LTBP2: variants seen among roughly 807,000 people sequenced by gnomAD.
The protein encoded by LTBP2 is latent transforming growth factor beta binding protein 2.
A neutral mutation model predicts 210.6 loss-of-function variants in LTBP2; 103 were observed. The observed-to-expected ratio is 0.49, with a 90% CI of 0.42 to 0.58. LTBP2 has a LOEUF of 0.58. Among genes scored for constraint, LTBP2 ranks in the 20% least tolerant of loss-of-function variants. The pLI, the probability that LTBP2 is intolerant of heterozygous loss-of-function variation, is 0.00. For missense variants in LTBP2, 2,313 were observed against 2,494.5 expected (o/e 0.93, Z 1.55); for synonymous variants, 1,007 against 1,015.0 (o/e 0.99, Z 0.15).
intron 1 of LTBP2, among the ~76,000 whole-genome samples, chr14:74,608,746 AAT>A (rs1488087823): frequency 6.7e-4 from 77 of 114,286 alleles, no homozygotes; most frequent in African/African-American, 2.6e-3. Context: ...AGAAAGAAAG[AAT>A]AAAGAAAAGA....
rs2087393309 is a variant in LTBP2 at position 74,534,493 on chromosome 14, G to C, written c.1864+1433C>G. ...ACTCATTTTTAAAGTCTTGGCCTTA[G>C]GTATCACCTTTTCCAGGGAGCCTTC... On this transcript the variant is annotated intron_variant, in intron 9 of 35. Coordinates refer to ENST00000261978, the MANE Select transcript of LTBP2 (RefSeq NM_000428.3). Among the ~76,000 whole-genome samples, 3 of 152,168 alleles carry C rather than the reference G, an allele frequency of 2.0e-5. No individual in the cohort carries two copies. The South Asian group carries it at 6.2e-4, about 32-fold the overall frequency.
In LTBP2 at chr14:74,552,261, C is replaced by T. The variant is rs996880331; in HGVS notation, c.1325G>A (p.Gly442Glu). The change falls in exon 6 of 36, where the codon GGG (glycine) becomes GAG (glutamate). Residue 442 changes from glycine (G) to glutamate (E), a missense_variant. By Grantham distance (98) the Gly-to-Glu change is moderately conservative. Around this residue, in one of 3 missense-constraint regions of LTBP2, gnomAD observed 1,867 missense variants for 1,976.9 expected, o/e 0.94. Transcript: ENST00000261978. ...TTCCAGCAAGGCCCTGGGGCGGGAC[C>T]CCCTCCCTGGAGGCTCCCTGTCCGG... ...PQPDREPPGR[G>E]SRPRALLEAP... The T allele has an allele frequency of 6.2e-7, 1 of 1,613,194 alleles. No individual in the cohort carries two copies. The highest frequency in any genetic ancestry group is 2.2e-5 in the East Asian group (1 of 44,872).
chr14:74,568,336 G>A (rs2087930987), intron 3 of LTBP2, among the ~76,000 whole-genome samples: 1 of 152,154 alleles, frequency 6.6e-6, no homozygotes, highest in South Asian at 2.1e-4. Flanking sequence ...GAAGCCAGGA[G>A]TCTTATGGCC....
At chr14:74,600,564 A>G (rs957902085) in intron 2 of LTBP2, among the ~76,000 whole-genome samples, 1 of 152,108 alleles carries the variant, frequency 6.6e-6, no homozygotes, top group Non-Finnish European at 1.5e-5. Flanking sequence ...ATCACTAGCA[A>G]GTTAGGAAAC....
intron 8 of LTBP2, among the ~76,000 whole-genome samples, chr14:74,536,565 A>C (rs945467477): frequency 2.0e-5 from 3 of 152,120 alleles, no homozygotes; most frequent in African/African-American, 7.2e-5. Context: ...GTTGTGTACC[A>C]GCCAGGCGCA....
chr14:74,528,750 A>G (rs780603948), intron 11 of LTBP2, 52 bp from the exon 12 acceptor site: 7 of 1,594,224 alleles, frequency 4.4e-6, no homozygotes, highest in Non-Finnish European at 6.0e-6. Context: ...TCCTGCAGGA[A>G]ACCAGGGCCT....
chr14:74,607,373 A>G (rs1276739309), intron 1 of LTBP2, among the ~76,000 whole-genome samples: 1 of 152,240 alleles, frequency 6.6e-6, no homozygotes. Flanking sequence ...TTCTCTTTAT[A>G]ACAAGTGGTA....
chr14:74,568,875 C>T (rs1005092268), intron 3 of LTBP2, among the ~76,000 whole-genome samples: 1 of 152,140 alleles, frequency 6.6e-6, no homozygotes, highest in African/African-American at 2.4e-5. Flanking sequence ...TCCTATGAAC[C>T]TCATGCTTGA....
Position 74,540,866 on chromosome 14 carries a change from TTTA to T in LTBP2, c.1790-4869_1790-4867del, listed in dbSNP as rs1566630098. 2.6e-5 allele frequency among the ~76,000 whole-genome samples: 2 copies of T among 78,084 alleles called. 1 individual carries two copies. The highest frequency in any genetic ancestry group is 5.2e-5 in the Non-Finnish European group (2 of 38,324). The allele number at this position is 78,084 out of a possible 152,430, so 51.2% of individuals were successfully genotyped here. A position where few individuals can be genotyped will look rare whatever the true frequency, so the allele number is the denominator to read the frequency against. On this transcript the variant is annotated intron_variant, in intron 8 of 35. Coordinates refer to ENST00000261978, the MANE Select transcript of LTBP2 (RefSeq NM_000428.3). Reference sequence around the variant, plus strand: ...ATATATATTATATATATTATATATATTTATATATATAATATATATATTATATAT... The same window carrying T: ...ATATATATTATATATATTATATATATTATATATAATATATATATTATATAT...
intron 17 of LTBP2, among the ~76,000 whole-genome samples, chr14:74,518,119 C>G (rs189539579): frequency 6.6e-6 from 1 of 152,178 alleles, no homozygotes; most frequent in Non-Finnish European, 1.5e-5. Flanking sequence ...GTCCCCATCC[C>G]CTGTCCCCAC....
chr14:74,508,647 G>A lies in LTBP2; in HGVS notation c.3609C>T (p.Cys1203=), dbSNP rs778364270. 154 of 1,612,468 alleles carry A rather than the reference G, an allele frequency of 9.6e-5. No homozygotes were observed. The highest frequency in any genetic ancestry group is 1.2e-4 in the Non-Finnish European group (146 of 1,179,980). Residue 1203 remains cysteine, a synonymous_variant, in exon 24 of 36, where the codon TGC becomes TGT. Transcript: ENST00000261978. ...CCTCTGCGCTGACGAAGCCAGGCGC[G>A]CACAGACAGAAGAAAGACCCGTGGC... is the stretch of plus-strand genomic sequence containing the variant. ...LNSHGSFFCL[C]APGFVSAEGG... is the part of the protein sequence containing the mutation.
intron 17 of LTBP2, among the ~76,000 whole-genome samples, chr14:74,517,754 T>C (rs1412010716): frequency 6.6e-6 from 1 of 152,174 alleles, no homozygotes; most frequent in Non-Finnish European, 1.5e-5. Context: ...TAACCATGGA[T>C]CTGTAGGGTG....
Position 74,521,906 on chromosome 14 carries a change from C to T in LTBP2, c.2788+5G>A, listed in dbSNP as rs779004691. On this transcript the variant is annotated splice_donor_5th_base_variant and intron_variant, in intron 17 of 35. Coordinates refer to ENST00000261978, the MANE Select transcript of LTBP2 (RefSeq NM_000428.3). ...TGGCCAAGGGCAAGGGCGGGCTTGG[C>T]TTACCTTGACACTCCTGTGTCGCCC... 9.2e-5 allele frequency: 148 copies of T among 1,613,958 alleles called. 1 individual carries two copies. The highest frequency in any genetic ancestry group is 8.7e-5 in the Non-Finnish European group (103 of 1,179,996).
At chr14:74,507,949 G>A (rs769870995) in intron 25 of LTBP2, 24 bp downstream of exon 25, 8 of 1,611,942 alleles carry the variant, frequency 5.0e-6, no homozygotes, top group Admixed American at 1.7e-5. Context: ...GCAGAGCCCT[G>A]TGCCCTCCCC....
chr14:74,600,651 C>T (rs557230419), intron 2 of LTBP2, among the ~76,000 whole-genome samples: 7 of 152,256 alleles, frequency 4.6e-5, no homozygotes, highest in East Asian at 1.9e-4. Context: ...AGGCCCACCC[C>T]CTATGAAGCC....
intron 3 of LTBP2, among the ~76,000 whole-genome samples, chr14:74,564,185 A>T (rs867506713): frequency 3.9e-5 from 1 of 25,342 alleles, no homozygotes; most frequent in Non-Finnish European, 7.8e-5. Context: ...TTATATATAT[A>T]TTTATATATA....
At chr14:74,543,106 C>T (rs944558704) in intron 8 of LTBP2, among the ~76,000 whole-genome samples, 7 of 144,364 alleles carry the variant, frequency 4.8e-5, no homozygotes, top group South Asian at 2.6e-4. Flanking sequence ...GGGCTGGGCA[C>T]GGTGGTTCAC....
rs552728241 is a variant in LTBP2 at position 74,552,613 on chromosome 14, G to A, written c.1193-220C>T. Among the ~76,000 whole-genome samples the A allele has an allele frequency of 5.9e-5, 9 of 152,302 alleles. No individual in the cohort carries two copies. The East Asian group carries it at 7.7e-4, about 13-fold the overall frequency. ...GCCTTCCTGAAAAGTCTATTTAGGC[G>A]TTTCCCTGCACCCCACAATAACCTG... On this transcript the variant is annotated intron_variant, in intron 5 of 35. Coordinates refer to ENST00000261978, the MANE Select transcript of LTBP2 (RefSeq NM_000428.3).
intron 3 of LTBP2, among the ~76,000 whole-genome samples, chr14:74,563,265 G>T (rs577042470): frequency 1.3e-5 from 2 of 152,038 alleles, no homozygotes; most frequent in East Asian, 1.9e-4. Context: ...CATTTCCCCC[G>T]CAAAATCACA....
Sources: gnomAD v4.1 joint callset for allele counts (sites outside exome capture counted in the v4.1 genomes callset) on GRCh38, gnomAD v4.1.1 for gene constraint, gnomAD v4.1.1 regional missense constraint, MANE v1.5 for transcripts, NCBI Gene and HGNC (gene_info 2026-07-23, HGNC 2026-07-21) for gene names.